The following LCP2 variants were observed in gnomAD, a reference collection of about 807,000 sequenced individuals.
The protein encoded by LCP2 is lymphocyte cytosolic protein 2, also known as 76 kDa tyrosine phosphoprotein.
Under a neutral mutation model 74.5 loss-of-function variants are expected in LCP2, and 29 were observed. The ratio of observed to expected loss-of-function variants is 0.39; its 90% CI spans 0.29 to 0.53. The LOEUF (loss-of-function observed/expected upper bound fraction) is 0.53. LCP2 is among the 20% of genes least tolerant of loss of function. LCP2 has a pLI of 0.72. For synonymous variants in LCP2, 228 were observed against 229.5 expected (o/e 0.99, Z 0.06); for missense variants, 604 against 634.6 (o/e 0.95, Z 0.52).
chr5:170,259,160 A>T (rs764981579), intron 14 of LCP2, among the ~76,000 whole-genome samples: 13 of 152,308 alleles, frequency 8.5e-5, no homozygotes, highest in Middle Eastern at 3.4e-3. Flanking sequence ...CCAAAGATGT[A>T]ATAATATTGA....
chr5:170,247,556 CTGAT>C lies in LCP2; in HGVS notation c.*1137_*1140del, dbSNP rs375656629. ...CCAAAGGGAAAAACTTGAAGAACAA[CTGAT>C]TGTCACTATTTGGCTGAATACCAGT... is the stretch of plus-strand genomic sequence containing the variant. On this transcript the variant is annotated 3_prime_UTR_variant, in exon 21 of 21. Coordinates refer to ENST00000046794, the MANE Select transcript of LCP2 (RefSeq NM_005565.5). 78 of 152,348 alleles carry C rather than the reference CTGAT, an allele frequency of 5.1e-4. No homozygotes were observed. The highest frequency in any genetic ancestry group is 1.7e-3 in the African/African-American group (70 of 41,576). 9.4% of individuals were successfully genotyped at this position (152,348 alleles called of 1,614,324 possible).
rs1200859862 is a variant in LCP2 at position 170,258,951 on chromosome 5, C to G, written c.958-73G>C. The G allele has an allele frequency of 2.9e-6, 3 of 1,019,196 alleles. No homozygotes were observed. In the Admixed American group the frequency reaches 6.4e-5, roughly 22 times the overall value. 63.1% of individuals were successfully genotyped at this position (1,019,196 alleles called of 1,614,324 possible). Reference sequence around the variant, plus strand: ...AATTCTTAAAATAAAAACTGCATTTCTCAATCAAATAAATCAAATAGGTAT... The same window carrying G: ...AATTCTTAAAATAAAAACTGCATTTGTCAATCAAATAAATCAAATAGGTAT... On this transcript the variant is annotated intron_variant, in intron 14 of 20. Coordinates refer to ENST00000046794, the MANE Select transcript of LCP2 (RefSeq NM_005565.5).
intron 20 of LCP2, among the ~76,000 whole-genome samples, chr5:170,249,097 G>A (rs895146216): frequency 2.6e-5 from 4 of 152,208 alleles, no homozygotes; most frequent in African/African-American, 7.2e-5. Context: ...TAAGGCCGGT[G>A]GATCACCTGA....
Position 170,252,595 on chromosome 5 carries a change from C to T in LCP2, c.1246-84G>A, listed in dbSNP as rs1307867424. ...AGAAAAGCCTCTGAGTAATCATTTC[C>T]ATAAATCAACACCTCAATTCCAGGA... is the stretch of plus-strand genomic sequence containing the variant. On this transcript the variant is annotated intron_variant, in intron 18 of 20. Coordinates refer to ENST00000046794, the MANE Select transcript of LCP2 (RefSeq NM_005565.5). 3 of 658,676 alleles carry T rather than the reference C, an allele frequency of 4.6e-6. No individual in the cohort carries two copies. In the African/African-American group the frequency reaches 5.5e-5, roughly 12 times the overall value. 40.8% of individuals were successfully genotyped at this position (658,676 alleles called of 1,614,324 possible).
rs192001614 is a variant in LCP2 at position 170,264,273 on chromosome 5, T to C, written c.773-1281A>G. Among the ~76,000 whole-genome samples the C allele has an allele frequency of 1.1e-3, 165 of 152,386 alleles. 1 individual carries two copies. The highest frequency in any genetic ancestry group is 3.7e-3 in the African/African-American group (154 of 41,598). Reference sequence around the variant, plus strand: ...ATTGCCCCAAATTGCAATTCTTTCTTCCTAAATAAAACAAATTTAGAGATT... The same window carrying C: ...ATTGCCCCAAATTGCAATTCTTTCTCCCTAAATAAAACAAATTTAGAGATT... On this transcript the variant is annotated intron_variant, in intron 10 of 20. Coordinates refer to ENST00000046794, the MANE Select transcript of LCP2 (RefSeq NM_005565.5).
At chr5:170,295,547 T>A (rs1762360610) in intron 1 of LCP2, among the ~76,000 whole-genome samples, 2 of 152,192 alleles carry the variant, frequency 1.3e-5, no homozygotes, top group African/African-American at 2.4e-5. Context: ...CAGGGTAAAG[T>A]GTGTCCGACC....
intron 7 of LCP2, among the ~76,000 whole-genome samples, chr5:170,270,333 T>A (rs759335690): frequency 6.6e-6 from 1 of 152,210 alleles, no homozygotes; most frequent in Non-Finnish European, 1.5e-5. Context: ...TAACTATAAT[T>A]TGGTCAAAAG....
At chr5:170,253,779 G>A (rs1013591454) in intron 17 of LCP2, among the ~76,000 whole-genome samples, 25 of 152,302 alleles carry the variant, frequency 1.6e-4, no homozygotes, top group African/African-American at 5.8e-4. Context: ...CAGGTAGACT[G>A]TTCAACTCAC....
intron 6 of LCP2, among the ~76,000 whole-genome samples, chr5:170,273,579 T>G (rs1034048258): frequency 2.0e-5 from 3 of 152,192 alleles, no homozygotes; most frequent in African/African-American, 7.2e-5. Flanking sequence ...CTTTGTGTTC[T>G]ACGCACGTCA....
chr5:170,258,030 T>C lies in LCP2; in HGVS notation c.1100+7A>G. The stretch of plus-strand genomic sequence containing the variant: ...TTAAGCTAGAATTTCATGACAGAGC[T>C]ACAAACCTTTCTGAGAATGCTCCAG... On this transcript the variant is annotated splice_region_variant and intron_variant, in intron 16 of 20. Coordinates refer to ENST00000046794, the MANE Select transcript of LCP2 (RefSeq NM_005565.5). The C allele has an allele frequency of 6.2e-7, 1 of 1,613,818 alleles. No individual in the cohort carries two copies. Among genetic ancestry groups the C allele is most frequent in the Non-Finnish European group, 8.5e-7 (1 of 1,179,700 alleles).
intron 7 of LCP2, 89 bp from the exon 8 acceptor site, chr5:170,268,571 G>T (rs886253411): frequency 1.7e-5 from 3 of 174,832 alleles, no homozygotes; most frequent in Non-Finnish European, 2.6e-5. Flanking sequence ...CGGGGCACCG[G>T]GGGTGCATGA....
intron 20 of LCP2, among the ~76,000 whole-genome samples, chr5:170,250,270 A>G (rs1055808012): frequency 3.9e-5 from 6 of 152,218 alleles, no homozygotes; most frequent in Non-Finnish European, 7.3e-5. Context: ...TTCTTTGGCG[A>G]TCTGGCCATC....
chr5:170,282,542 A>G (rs1452118261), intron 3 of LCP2, among the ~76,000 whole-genome samples: 1 of 152,156 alleles, frequency 6.6e-6, no homozygotes, highest in Non-Finnish European at 1.5e-5. Flanking sequence ...GATCTCCCTC[A>G]CTCCAAAACC....
chr5:170,297,564 G>T lies in LCP2; in HGVS notation c.48C>A (p.Asp16Glu), dbSNP rs1023218527. The T allele has an allele frequency of 6.2e-7, 1 of 1,613,056 alleles. No homozygotes were observed. The highest frequency in any genetic ancestry group is 1.3e-5 in the African/African-American group (1 of 74,920). ...TGAAATAGTCAGCAAGGCTGTCGGG[G>T]TCCCAGCCCAGGACCTCTGAGCGAA... is the stretch of plus-strand genomic sequence containing the variant. ...VPFRSEVLGWDPDSLADYFKK... is the reference protein window; with the variant it reads ...VPFRSEVLGWEPDSLADYFKK... The change falls in exon 1 of 21, where the codon GAC (aspartate) becomes GAA (glutamate). Residue 16 changes from aspartate to glutamate, a missense_variant. By Grantham distance (45) the Asp-to-Glu change is conservative (BLOSUM62 2). Transcript: ENST00000046794.
chr5:170,290,753 G>A (rs1027523363), intron 2 of LCP2, among the ~76,000 whole-genome samples: 3 of 152,102 alleles, frequency 2.0e-5, no homozygotes, highest in African/African-American at 7.2e-5. Context: ...CCTTTATTTG[G>A]TTAGGCCACT....
chr5:170,247,732 CAA>C lies in LCP2; in HGVS notation c.*963_*964del, dbSNP rs1761330421. The C allele has an allele frequency of 6.6e-6, 1 of 152,172 alleles. No individual in the cohort carries two copies. The allele number at this position is 152,172 out of a possible 1,614,324, so 9.4% of individuals were successfully genotyped here. On this transcript the variant is annotated 3_prime_UTR_variant, in exon 21 of 21. Transcript: ENST00000046794. ...TATGGCAGAGCTGTCAGGGGGATAACAAGAGACAGAAGAGCCATATCTAATAG... is the reference window on the plus strand; with the variant it reads ...TATGGCAGAGCTGTCAGGGGGATAACGAGACAGAAGAGCCATATCTAATAG...
At position 170,262,851 on chromosome 5, in the gene LCP2, G is replaced by A; in HGVS notation, c.809C>T (p.Pro270Leu). The change falls in exon 12 of 21, where the codon CCA becomes CTA. Residue 270 changes from proline (P) to leucine (L), a missense_variant. Physicochemically the swap from Pro to Leu is moderately conservative, Grantham distance 98. Transcript: ENST00000046794. ...KPPFSDKPSI[P>L]AGRSLGEHLP... is the part of the protein sequence containing the mutation. Reference sequence around the variant, plus strand: ...GATGCAACAGTCTTACCTTCCCGCTGGAATCGAGGGCTGCAAGACAGGAGG... The same window carrying A: ...GATGCAACAGTCTTACCTTCCCGCTAGAATCGAGGGCTGCAAGACAGGAGG... 1 of 1,614,028 alleles carries A rather than the reference G, an allele frequency of 6.2e-7. No homozygotes were observed. Among genetic ancestry groups the A allele is most frequent in the South Asian group, 1.1e-5 (1 of 91,080 alleles).
intron 3 of LCP2, chr5:170,287,706 A>C (rs536822054): frequency 1.9e-6 from 1 of 526,498 alleles, no homozygotes; most frequent in African/African-American, 1.9e-5. Context: ...CCCCATGAGA[A>C]GAGAGGAAAT....
chr5:170,257,562 C>T (rs1178506067), intron 16 of LCP2, among the ~76,000 whole-genome samples: 7 of 152,064 alleles, frequency 4.6e-5, no homozygotes, highest in African/African-American at 9.7e-5. Context: ...TGCCCCTGGG[C>T]GGCCTCATAC....
Sources: gnomAD v4.1 joint callset for allele counts (sites outside exome capture counted in the v4.1 genomes callset) on GRCh38, gnomAD v4.1.1 for gene constraint, MANE v1.5 for transcripts, NCBI Gene and HGNC (gene_info 2026-07-23, HGNC 2026-07-21) for gene names.